UVRAG: variants seen among roughly 807,000 people sequenced by gnomAD.
The protein encoded by UVRAG is UV radiation resistance-associated gene protein.
A neutral mutation model predicts 78.0 loss-of-function variants in UVRAG; 19 were observed. That is an observed-to-expected ratio of 0.24 (90% CI 0.17 to 0.36). The LOEUF is 0.36. UVRAG is among the 10% of genes least tolerant of loss of function. The probability of loss-of-function intolerance (pLI) is 1.00; values close to 1 mark genes in which losing one functional copy is unlikely to be tolerated. For missense variants in UVRAG, 740 were observed against 853.8 expected, an observed-to-expected ratio of 0.87 and a Z score of 1.66; for synonymous variants, 323 against 324.6, an observed-to-expected ratio of 1.00 and a Z score of 0.05.
intron 6 of UVRAG, among the ~76,000 whole-genome samples, chr11:75,956,504 G>C (rs557485255): frequency 1.3e-5 from 2 of 151,442 alleles, no homozygotes; most frequent in South Asian, 4.2e-4. Context: ...CCTTGCCTCA[G>C]CCTCCCAAGT....
At chr11:75,855,900 T>C (rs1946278609) in intron 2 of UVRAG, among the ~76,000 whole-genome samples, 1 of 152,282 alleles carries the variant, frequency 6.6e-6, no homozygotes, top group Admixed American at 6.5e-5. Context: ...AATCAAATAC[T>C]AGTTATTATA....
At chr11:76,111,180 C>T (rs1245186994) in intron 13 of UVRAG, among the ~76,000 whole-genome samples, 1 of 151,964 alleles carries the variant, frequency 6.6e-6, no homozygotes, top group Admixed American at 6.6e-5. Context: ...TTTAAATTCA[C>T]AAGGATGAAA....
intron 1 of UVRAG, among the ~76,000 whole-genome samples, chr11:75,830,533 A>G (rs1945632523): frequency 6.6e-6 from 1 of 152,060 alleles, no homozygotes; most frequent in Admixed American, 6.6e-5. Flanking sequence ...CGCCTCCCAA[A>G]GTGTTGGGAT....
chr11:76,063,217 G>C (rs1007037679), intron 12 of UVRAG, among the ~76,000 whole-genome samples: 3 of 152,172 alleles, frequency 2.0e-5, no homozygotes, highest in African/African-American at 7.2e-5. Context: ...GGAGCCTACA[G>C]TATCATAAGG....
intron 13 of UVRAG, among the ~76,000 whole-genome samples, chr11:76,106,268 C>T (rs1165942337): frequency 6.6e-6 from 1 of 152,108 alleles, no homozygotes; most frequent in African/African-American, 2.4e-5. Context: ...CTACAATGTT[C>T]TGGAAAACTG....
intron 3 of UVRAG, among the ~76,000 whole-genome samples, chr11:75,870,389 G>A (rs1946623262): frequency 6.6e-6 from 1 of 152,110 alleles, no homozygotes; most frequent in Non-Finnish European, 1.5e-5. Context: ...AAGAATATTT[G>A]CTACAACAAC....
chr11:76,096,816 T>C (rs1023503092), intron 13 of UVRAG, among the ~76,000 whole-genome samples: 19 of 152,236 alleles, frequency 1.2e-4, no homozygotes, highest in African/African-American at 4.6e-4. Flanking sequence ...AGCTGGGACC[T>C]TAACCCGGGA....
intron 7 of UVRAG, among the ~76,000 whole-genome samples, chr11:75,968,151 T>C (rs1001505149): frequency 1.3e-5 from 2 of 152,256 alleles, no homozygotes; most frequent in Non-Finnish European, 2.9e-5. Flanking sequence ...ATTTGGCATA[T>C]TCAACCTATA....
intron 8 of UVRAG, among the ~76,000 whole-genome samples, chr11:75,990,502 C>T (rs888836548): frequency 2.6e-5 from 4 of 152,196 alleles, no homozygotes; most frequent in Admixed American, 6.5e-5. Context: ...CTATGTCATA[C>T]TCTCGTGGGT....
At chr11:76,029,157 GT>G (rs1466931211) in intron 12 of UVRAG, among the ~76,000 whole-genome samples, 1 of 152,108 alleles carries the variant, frequency 6.6e-6, no homozygotes, top group Non-Finnish European at 1.5e-5. Context: ...CAGCACATCT[GT>G]TTACAACATG....
chr11:76,125,562 G>A (rs1418250464), intron 14 of UVRAG, among the ~76,000 whole-genome samples: 3 of 152,188 alleles, frequency 2.0e-5, no homozygotes, highest in Non-Finnish European at 2.9e-5. Context: ...ATGGAGAACA[G>A]CTGGCCAACA....
chr11:76,058,661 G>C lies in UVRAG; in HGVS notation c.1227-7049G>C, dbSNP rs142207481. Reference sequence around the variant, plus strand: ...GCAAGAACAAGAATTATGCACATGTGAATGTGAATCATGAAATGTGGGAAA... The same window carrying C: ...GCAAGAACAAGAATTATGCACATGTCAATGTGAATCATGAAATGTGGGAAA... On this transcript the variant is annotated intron_variant, in intron 12 of 14. Transcript: ENST00000356136. Among the ~76,000 whole-genome samples the C allele has an allele frequency of 1.3e-3, 195 of 152,210 alleles. 4 individuals are homozygous for C. In the East Asian group the frequency reaches 0.036, roughly 28 times the overall value.
chr11:76,139,389 TG>T (rs1249554355), intron 14 of UVRAG, among the ~76,000 whole-genome samples: 2 of 152,232 alleles, frequency 1.3e-5, no homozygotes, highest in African/African-American at 4.8e-5. Flanking sequence ...CCTGCAGGAC[TG>T]GTAGCTCCTT....
At chr11:76,024,351 G>A (rs796572346) in intron 12 of UVRAG, among the ~76,000 whole-genome samples, 33 of 152,232 alleles carry the variant, frequency 2.2e-4, no homozygotes, top group African/African-American at 7.7e-4. Flanking sequence ...GATCTGGTAA[G>A]GCCAGCTGGT....
chr11:75,830,566 C>G (rs1031338099), intron 1 of UVRAG, among the ~76,000 whole-genome samples: 2 of 152,078 alleles, frequency 1.3e-5, no homozygotes, highest in Admixed American at 1.3e-4. Flanking sequence ...CCACTGCGCC[C>G]GGCCGTAAGT....
chr11:75,875,901 C>CAGT (rs1439399327), intron 3 of UVRAG, among the ~76,000 whole-genome samples: 4 of 152,140 alleles, frequency 2.6e-5, no homozygotes, highest in Admixed American at 6.5e-5. Context: ...TGGCCACGTG[C>CAGT]AGTGGCTTAC....
chr11:76,094,660 G>A (rs1461742934), intron 13 of UVRAG, among the ~76,000 whole-genome samples: 1 of 152,082 alleles, frequency 6.6e-6, no homozygotes, highest in Non-Finnish European at 1.5e-5. Flanking sequence ...GGTGTTTATA[G>A]TATTCTCTGA....
intron 12 of UVRAG, among the ~76,000 whole-genome samples, chr11:76,025,138 A>G (rs949649028): frequency 1.3e-5 from 2 of 152,204 alleles, no homozygotes; most frequent in African/African-American, 4.8e-5. Flanking sequence ...GTGCACCTGC[A>G]TACTGTAAAG....
Position 76,141,423 on chromosome 11 carries a change from G to A in UVRAG, c.*10G>A, listed in dbSNP as rs1192603629. 1 of 1,608,892 alleles carries A rather than the reference G, an allele frequency of 6.2e-7. No individual in the cohort carries two copies. Among genetic ancestry groups the A allele is most frequent in the Non-Finnish European group, 8.5e-7 (1 of 1,178,348 alleles). On this transcript the variant is annotated 3_prime_UTR_variant, in exon 15 of 15. Transcript: ENST00000356136. ...GAGTTCCGATAAGTGAAGTGAGCAG[G>A]TCAACAGTAGGACTGGGGCAGAAGC... is the stretch of plus-strand genomic sequence containing the variant.
Sources: allele counts gnomAD v4.1 joint callset (sites outside exome capture counted in the v4.1 genomes callset), GRCh38; gene constraint gnomAD v4.1.1; transcripts MANE v1.5; gene names NCBI Gene and HGNC (gene_info 2026-07-23, HGNC 2026-07-21).